GMDS: variants seen among roughly 807,000 people sequenced by gnomAD.
GMDS encodes the protein GDP-mannose 4,6-dehydratase.
In GMDS, 20 loss-of-function variants were observed where a neutral mutation model predicts 49.9. The ratio of observed to expected loss-of-function variants is 0.40; its 90% CI spans 0.28 to 0.58. The LOEUF (loss-of-function observed/expected upper bound fraction) is 0.58, where lower values mean the gene tolerates loss of function less well. GMDS is among the 20% of genes least tolerant of loss of function. GMDS has a pLI of 0.42. For synonymous variants in GMDS, 177 were observed against 178.6 expected (o/e 0.99, Z 0.07); for missense variants, 362 against 481.4 (o/e 0.75, Z 2.32).
intron 9 of GMDS, among the ~76,000 whole-genome samples, chr6:1,631,490 A>G (rs1326892948): frequency 6.6e-6 from 1 of 152,072 alleles, no homozygotes; most frequent in Non-Finnish European, 1.5e-5. Context: ...ACCTCTTAGA[A>G]ATGTCCCCCC....
intron 7 of GMDS, among the ~76,000 whole-genome samples, chr6:1,915,697 T>G (rs2113890043): frequency 6.6e-6 from 1 of 152,338 alleles, no homozygotes; most frequent in Non-Finnish European, 1.5e-5. Context: ...TGAACGCGCC[T>G]GATCTGGGCC....
At chr6:1,899,297 T>G (rs1727117011) in intron 7 of GMDS, among the ~76,000 whole-genome samples, 1 of 146,840 alleles carries the variant, frequency 6.8e-6, no homozygotes, top group African/African-American at 2.7e-5. Flanking sequence ...GATTTGTGTT[T>G]TTTTTTTTTC....
chr6:1,903,003 T>A (rs1760577414), intron 7 of GMDS, among the ~76,000 whole-genome samples: 1 of 152,192 alleles, frequency 6.6e-6, no homozygotes, highest in Non-Finnish European at 1.5e-5. Flanking sequence ...CCTATTTATA[T>A]CTATCAAAAG....
Position 1,711,880 on chromosome 6 carries a change from C to T in GMDS, c.987+14536G>A, listed in dbSNP as rs372134050. 8.4e-4 allele frequency among the ~76,000 whole-genome samples: 128 copies of T among 152,290 alleles called. 4 individuals are homozygous for T. In the South Asian group the frequency reaches 0.015, roughly 18 times the overall value. The stretch of plus-strand genomic sequence containing the variant: ...TTTTCTGGCATAGTGAAGGCCCCAC[C>T]CGAGCACCAGCCAAACGGTGGCTGC... On this transcript the variant is annotated intron_variant, in intron 9 of 10. Transcript: ENST00000380815.
chr6:1,990,741 ATT>A (rs70992118), intron 4 of GMDS, among the ~76,000 whole-genome samples: 33 of 144,064 alleles, frequency 2.3e-4, no homozygotes, highest in Non-Finnish European at 2.9e-4. Context: ...CACCCAGCTA[ATT>A]TTTTTTTTTT....
At chr6:1,631,789 A>G (rs1310739783) in intron 9 of GMDS, among the ~76,000 whole-genome samples, 1 of 152,172 alleles carries the variant, frequency 6.6e-6, no homozygotes, top group Non-Finnish European at 1.5e-5. Flanking sequence ...AAGCAACTCA[A>G]GGCCTAGCCA....
At chr6:1,987,634 T>C (rs1370735369) in intron 4 of GMDS, among the ~76,000 whole-genome samples, 1 of 152,104 alleles carries the variant, frequency 6.6e-6, no homozygotes, top group Non-Finnish European at 1.5e-5. Flanking sequence ...GTAAGTTCAA[T>C]AGTGATAAGA....
At chr6:2,159,492 T>C (rs1463971998) in intron 1 of GMDS, among the ~76,000 whole-genome samples, 8 of 151,834 alleles carry the variant, frequency 5.3e-5, no homozygotes, top group African/African-American at 1.9e-4. Context: ...TTTTTCTTAA[T>C]TTTTTCAATA....
At chr6:1,722,758 C>A (rs1374896618) in intron 9 of GMDS, among the ~76,000 whole-genome samples, 3 of 152,214 alleles carry the variant, frequency 2.0e-5, no homozygotes, top group African/African-American at 4.8e-5. Flanking sequence ...AGCATAATTA[C>A]CACTTTCTCT....
At chr6:2,072,360 TATCTACAA>T (rs1474103809) in intron 4 of GMDS, among the ~76,000 whole-genome samples, 1 of 152,212 alleles carries the variant, frequency 6.6e-6, no homozygotes, top group Non-Finnish European at 1.5e-5. Flanking sequence ...AAAAGTAAGA[TATCTACAA>T]AGGCTTAGGA....
rs565341746 is a variant in GMDS at position 1,804,287 on chromosome 6, CCTTGTGCACACCAG to C, written c.772-61715_772-61702del. Among the ~76,000 whole-genome samples, 25 of 152,366 alleles carry C rather than the reference CCTTGTGCACACCAG, an allele frequency of 1.6e-4. No individual in the cohort carries two copies. In the East Asian group the frequency reaches 4.6e-3, roughly 28 times the overall value. On this transcript the variant is annotated intron_variant, in intron 7 of 10. Transcript: ENST00000380815. ...TCCTCACTGCTACGTGGCGAGTTCC[CCTTGTGCACACCAG>C]CTTGGTTCTAAAGAGGCCGTGGAAG...
intron 1 of GMDS, among the ~76,000 whole-genome samples, chr6:2,189,340 G>A (rs569870882): frequency 1.3e-5 from 2 of 152,246 alleles, no homozygotes; most frequent in Non-Finnish European, 1.5e-5. Flanking sequence ...TTTTACCTGT[G>A]GTGACTTTCA....
intron 9 of GMDS, among the ~76,000 whole-genome samples, chr6:1,632,603 A>G (rs2569857): frequency 0.62 from 93,621 of 152,156 alleles, 29,762 homozygotes; most frequent in East Asian, 0.8. Flanking sequence ...GTGGCCAGGC[A>G]TGATAGCTCA....
At chr6:2,104,984 C>G (rs939960017) in intron 4 of GMDS, among the ~76,000 whole-genome samples, 2 of 151,936 alleles carry the variant, frequency 1.3e-5, no homozygotes, top group African/African-American at 4.8e-5. Context: ...AGATCGAGAC[C>G]ATCCTGGCTA....
At chr6:2,131,083 G>T (rs926349263) in intron 1 of GMDS, among the ~76,000 whole-genome samples, 3 of 152,094 alleles carry the variant, frequency 2.0e-5, no homozygotes, top group Non-Finnish European at 4.4e-5. Context: ...ATATTTTGAA[G>T]CAGGCTAGCA....
chr6:1,750,944 C>T (rs1035274845), intron 7 of GMDS, among the ~76,000 whole-genome samples: 1 of 152,172 alleles, frequency 6.6e-6, no homozygotes, highest in Admixed American at 6.5e-5. Flanking sequence ...ACAGTGTAAA[C>T]AAAGCCATCA....
intron 4 of GMDS, among the ~76,000 whole-genome samples, chr6:2,106,311 G>T (rs373031037): frequency 2.0e-5 from 3 of 152,046 alleles, no homozygotes; most frequent in East Asian, 1.9e-4. Context: ...AACTAGAAAA[G>T]ATTTCATTTT....
intron 7 of GMDS, among the ~76,000 whole-genome samples, chr6:1,845,098 T>A (rs1757330092): frequency 6.6e-6 from 1 of 152,214 alleles, no homozygotes. Context: ...AGGAGGAAAG[T>A]AGAAACATCT....
chr6:2,140,029 G>C (rs562474688), intron 1 of GMDS, among the ~76,000 whole-genome samples: 2 of 152,290 alleles, frequency 1.3e-5, no homozygotes, highest in East Asian at 1.9e-4. Context: ...CAGCTGTGGA[G>C]TTAATGCAGC....
Sources: allele counts gnomAD v4.1 joint callset (sites outside exome capture counted in the v4.1 genomes callset), GRCh38; gene constraint gnomAD v4.1.1; transcripts MANE v1.5; gene names NCBI Gene and HGNC (gene_info 2026-07-23, HGNC 2026-07-21).